The following PPP4R2 variants were observed in gnomAD, a reference collection of about 807,000 sequenced individuals.
PPP4R2 encodes serine/threonine-protein phosphatase 4 regulatory subunit 2.
Under a neutral mutation model 47.2 loss-of-function variants are expected in PPP4R2, and 13 were observed. That is an observed-to-expected ratio of 0.28 (90% confidence interval 0.18 to 0.44). The LOEUF (loss-of-function observed/expected upper bound fraction) is 0.44. Among genes scored for constraint, PPP4R2 ranks in the 20% least tolerant of loss-of-function variants. The pLI, the probability that PPP4R2 is intolerant of heterozygous loss-of-function variation, is 1.00. For synonymous variants in PPP4R2, 151 were observed against 163.3 expected (o/e 0.92, Z 0.57); for missense variants, 421 against 491.2 (o/e 0.86, Z 1.35).
intron 5 of PPP4R2, chr3:73,062,852 A>G (rs753234784): frequency 1.8e-5 from 29 of 1,613,696 alleles, no homozygotes; most frequent in Admixed American, 1.0e-4. Context: ...TCACACTTCT[A>G]TTTGGAGACT....
rs1347611156 is a variant in PPP4R2, at chr3:73,067,137, ATGCT to A, written c.*1418_*1421del. On this transcript the variant is annotated 3_prime_UTR_variant, in exon 9 of 9. Coordinates refer to ENST00000356692, the MANE Select transcript of PPP4R2 (RefSeq NM_174907.4). ...TGTATAATTTCTGTGTGTAAACTGA[ATGCT>A]TGGGCTTTCAATACAGTATTCATAT... 4 of 152,108 alleles carry A rather than the reference ATGCT, an allele frequency of 2.6e-5. 1 individual carries two copies. Among genetic ancestry groups the A allele is most frequent in the South Asian group, 4.1e-4 (2 of 4,830 alleles). 9.4% of individuals were successfully genotyped at this position (152,108 alleles called of 1,614,324 possible).
intron 1 of PPP4R2, 36 bp from the exon 2 acceptor site, chr3:72,998,041 A>G: frequency 1.3e-6 from 2 of 1,485,424 alleles, no homozygotes; most frequent in Admixed American, 1.8e-5. Flanking sequence ...CGCTTTTGAG[A>G]AAACTGATAA....
At chr3:73,052,131 GAA>G (rs1369034599) in intron 3 of PPP4R2, among the ~76,000 whole-genome samples, 1 of 150,934 alleles carries the variant, frequency 6.6e-6, no homozygotes, top group Non-Finnish European at 1.5e-5. Context: ...AATGAGTAAA[GAA>G]AAGAATATTG....
Position 73,015,680 on chromosome 3 carries a change from C to T in PPP4R2, c.116+17522C>T, listed in dbSNP as rs1397663583. ...TGAGACGGAGTTTCGCTGTGTCGCC[C>T]AGACTGGAGTGCAGTGGCGCCATCT... On this transcript the variant is annotated intron_variant, in intron 2 of 8. Coordinates refer to ENST00000356692, the MANE Select transcript of PPP4R2 (RefSeq NM_174907.4). 17 of 229,708 alleles carry T rather than the reference C, an allele frequency of 7.4e-5. No individual in the cohort carries two copies. The Admixed American group carries it at 8.8e-4, about 12-fold the overall frequency. 14.2% of individuals were successfully genotyped at this position (229,708 alleles called of 1,614,324 possible).
intron 5 of PPP4R2, chr3:73,063,213 A>G (rs1702907866): frequency 5.4e-6 from 2 of 367,574 alleles, no homozygotes; most frequent in Non-Finnish European, 1.0e-5. Flanking sequence ...CAACCATCAC[A>G]CTCCCTTTGC....
At chr3:73,004,338 G>C (rs752953647) in intron 2 of PPP4R2, among the ~76,000 whole-genome samples, 2 of 152,180 alleles carry the variant, frequency 1.3e-5, no homozygotes, top group African/African-American at 2.4e-5. Flanking sequence ...ACCGTGCCTG[G>C]CATGTGCCCT....
At chr3:73,015,042 A>G (rs1575846588) in intron 2 of PPP4R2, 4 of 557,514 alleles carry the variant, frequency 7.2e-6, no homozygotes, top group East Asian at 3.0e-5. Context: ...TGGCCTGTTT[A>G]TTAATAAACA....
intron 7 of PPP4R2, among the ~76,000 whole-genome samples, chr3:73,064,352 CTGTT>C (rs1231306499): frequency 6.6e-6 from 1 of 152,124 alleles, no homozygotes; most frequent in Non-Finnish European, 1.5e-5. Flanking sequence ...TTTGTGGAGA[CTGTT>C]TATGTAGGGT....
chr3:73,000,658 C>G (rs985016184), intron 2 of PPP4R2, among the ~76,000 whole-genome samples: 1 of 152,148 alleles, frequency 6.6e-6, no homozygotes, highest in African/African-American at 2.4e-5. Context: ...GATGCCAAGA[C>G]ATACTAAATT....
chr3:73,062,851 TA>T (rs1559570370), intron 5 of PPP4R2: 1 of 1,613,798 alleles, frequency 6.2e-7, no homozygotes, highest in Admixed American at 1.7e-5. Flanking sequence ...TTCACACTTC[TA>T]TTTGGAGACT....
At chr3:73,044,535 G>A (rs935997440) in intron 2 of PPP4R2, among the ~76,000 whole-genome samples, 4 of 152,130 alleles carry the variant, frequency 2.6e-5, no homozygotes, top group Admixed American at 6.5e-5. Context: ...GCAGTGAGCC[G>A]AGGTTGCACC....
chr3:73,008,784 T>C (rs1057343645), intron 2 of PPP4R2, among the ~76,000 whole-genome samples: 4 of 152,198 alleles, frequency 2.6e-5, no homozygotes, highest in African/African-American at 9.7e-5. Flanking sequence ...AGAATGAATA[T>C]GGCTAAAGAA....
Position 73,021,501 on chromosome 3 carries a change from G to A in PPP4R2, c.116+23343G>A, listed in dbSNP as rs559932910. Among the ~76,000 whole-genome samples, 4 of 152,166 alleles carry A rather than the reference G, an allele frequency of 2.6e-5. No homozygotes were observed. In the South Asian group the frequency reaches 8.3e-4, roughly 32 times the overall value. ...TTCCTCCCACCTCTGACTCCAGAGT[G>A]TTAGGATTACAAGCATAAGCCATCA... On this transcript the variant is annotated intron_variant, in intron 2 of 8. Coordinates refer to ENST00000356692, the MANE Select transcript of PPP4R2 (RefSeq NM_174907.4).
intron 2 of PPP4R2, among the ~76,000 whole-genome samples, chr3:73,022,114 C>A (rs915172100): frequency 2.6e-5 from 4 of 151,892 alleles, no homozygotes; most frequent in Non-Finnish European, 5.9e-5. Context: ...CCAGGCTGGT[C>A]TCGAACTCCT....
intron 2 of PPP4R2, among the ~76,000 whole-genome samples, chr3:73,033,733 G>A (rs994929440): frequency 1.3e-5 from 2 of 152,078 alleles, no homozygotes; most frequent in African/African-American, 4.8e-5. Context: ...TTGTGTCTTT[G>A]AGTTTGATGG....
At chr3:73,057,782 A>C (rs1259319323) in intron 3 of PPP4R2, among the ~76,000 whole-genome samples, 2 of 152,128 alleles carry the variant, frequency 1.3e-5, no homozygotes, top group Non-Finnish European at 2.9e-5. Flanking sequence ...GTACAATGGA[A>C]AGGACATGAG....
chr3:73,054,011 G>A (rs1702676717), intron 3 of PPP4R2, among the ~76,000 whole-genome samples: 1 of 151,832 alleles, frequency 6.6e-6, no homozygotes, highest in South Asian at 2.1e-4. Flanking sequence ...CTATTACCTG[G>A]GTTTAAACAA....
chr3:73,064,773 A>G, intron 7 of PPP4R2, 79 bp from the exon 8 acceptor site: 1 of 1,249,032 alleles, frequency 8.0e-7, no homozygotes, highest in Non-Finnish European at 1.1e-6. Flanking sequence ...AATTTAAAAC[A>G]TTATTTAACC....
At chr3:73,034,235 C>G (rs1025758338) in intron 2 of PPP4R2, among the ~76,000 whole-genome samples, 1 of 152,054 alleles carries the variant, frequency 6.6e-6, no homozygotes, top group Admixed American at 6.6e-5. Flanking sequence ...TTATAAATGT[C>G]TTTAAACAAT....
Sources: gnomAD v4.1 joint callset for allele counts (sites outside exome capture counted in the v4.1 genomes callset) on GRCh38, gnomAD v4.1.1 for gene constraint, MANE v1.5 for transcripts, NCBI Gene and HGNC (gene_info 2026-07-23, HGNC 2026-07-21) for gene names.